Variants in ME2 observed in about 807,000 individuals in gnomAD.
ME2 encodes the protein NAD-dependent malic enzyme, mitochondrial.
Under a neutral mutation model 73.7 loss-of-function variants are expected in ME2, and 60 were observed. The ratio of observed to expected loss-of-function variants is 0.81; its 90% CI spans 0.66 to 1.01. The LOEUF (loss-of-function observed/expected upper bound fraction) is 1.01. Among genes scored for constraint, ME2 ranks in the 50% least tolerant of loss-of-function variants. The pLI is 0.00. For missense variants in ME2, 594 were observed against 705.5 expected (o/e 0.84, Z 1.79); for synonymous variants, 199 against 236.9 (o/e 0.84, Z 1.47).
intron 13 of ME2, chr18:50,933,807 C>T (rs1432968793): frequency 6.6e-6 from 1 of 151,994 alleles, no homozygotes; most frequent in African/African-American, 2.4e-5. Context: ...TGATCCTTAC[C>T]CTCTTCCCGC....
At chr18:50,943,354 CAGCGACG>C (rs1210724744) in intron 15 of ME2, among the ~76,000 whole-genome samples, 2 of 151,652 alleles carry the variant, frequency 1.3e-5, no homozygotes, top group Non-Finnish European at 2.9e-5. Flanking sequence ...GGTTGGAGTG[CAGCGACG>C]TGATCTCAGC....
chr18:50,924,278 T>C (rs1917496982), intron 11 of ME2, 66 bp downstream of exon 11: 3 of 1,036,996 alleles, frequency 2.9e-6, no homozygotes, highest in Non-Finnish European at 4.4e-6. Context: ...ATCATTACCA[T>C]GTAGGATTAC....
At position 50,948,225 on chromosome 18, in the gene ME2, A is replaced by G. The variant is rs527798021; in HGVS notation, c.*1041A>G. 6.6e-6 allele frequency: 1 copy of G among 152,342 alleles called. No individual in the cohort carries two copies. The highest frequency in any genetic ancestry group is 1.9e-4 in the East Asian group (1 of 5,188). The allele number at this position is 152,342 out of a possible 1,614,324, so 9.4% of individuals were successfully genotyped here. A position where few individuals can be genotyped will look rare whatever the true frequency, so the allele number is the denominator to read the frequency against. ...GACTTAATTTTTTTAAACCACCAAC[A>G]TTAATTTAGAGCTAAATGGGGATGA... On this transcript the variant is annotated 3_prime_UTR_variant, in exon 16 of 16. Coordinates refer to ENST00000321341, the MANE Select transcript of ME2 (RefSeq NM_002396.5).
At chr18:50,922,453 A>C (rs1917450960) in intron 10 of ME2, among the ~76,000 whole-genome samples, 1 of 152,222 alleles carries the variant, frequency 6.6e-6, no homozygotes, top group African/African-American at 2.4e-5. Flanking sequence ...GGCTGTAACT[A>C]CCATATTTAC....
In ME2 at chr18:50,941,353, C is replaced by CTTTTTTTTTTTTTTTTTTTTTTTTTTTTT. The variant is rs57428974; in HGVS notation, c.1587+970_1587+998dup. On this transcript the variant is annotated intron_variant, in intron 15 of 15. Coordinates refer to ENST00000321341, the MANE Select transcript of ME2 (RefSeq NM_002396.5). ...TCTTTGTGTGTATTTGTGATGGTTT[C>CTTTTTTTTTTTTTTTTTTTTTTTTTTTTT]TTTTTTTTTTTTTTTTTTTTTTTTT... Among the ~76,000 whole-genome samples the CTTTTTTTTTTTTTTTTTTTTTTTTTTTTT allele has an allele frequency of 9.4e-5, 6 of 63,846 alleles. 2 individuals carry two copies. Among genetic ancestry groups the CTTTTTTTTTTTTTTTTTTTTTTTTTTTTT allele is most frequent in the African/African-American group, 4.8e-4 (6 of 12,428 alleles). The allele number at this position is 63,846 out of a possible 152,430, so 41.9% of individuals were successfully genotyped here. A position where few individuals can be genotyped will look rare whatever the true frequency, so the allele number is the denominator to read the frequency against.
chr18:50,951,092 G>A lies in ME2; in HGVS notation c.*3908G>A, dbSNP rs1918214027. On this transcript the variant is annotated 3_prime_UTR_variant, in exon 16 of 16. Coordinates refer to ENST00000321341, the MANE Select transcript of ME2 (RefSeq NM_002396.5). ...CTCTTTAATTCTAAATTATAGATTT[G>A]TAGCATACTTAGTAAACTTAGTAAC... The A allele has an allele frequency of 1.3e-5, 2 of 152,102 alleles. No homozygotes were observed. The highest frequency in any genetic ancestry group is 1.3e-4 in the Admixed American group (2 of 15,270). 9.4% of individuals were successfully genotyped at this position (152,102 alleles called of 1,614,324 possible). A position where few individuals can be genotyped will look rare whatever the true frequency, so the allele number is the denominator to read the frequency against.
At chr18:50,893,121 T>C (rs1916643591) in intron 1 of ME2, among the ~76,000 whole-genome samples, 2 of 56,936 alleles carry the variant, frequency 3.5e-5, no homozygotes. Context: ...TAAGACTCTA[T>C]CTCAAAAAAA....
chr18:50,946,529 T>C (rs547712312), intron 15 of ME2, among the ~76,000 whole-genome samples: 29 of 152,328 alleles, frequency 1.9e-4, no homozygotes, highest in African/African-American at 7.0e-4. Context: ...TGGCACTCAG[T>C]GATAGTGGTG....
In ME2 at chr18:50,884,842, T is replaced by TTG. The variant is rs10599201; in HGVS notation, c.-13+5560_-13+5561dup. Among the ~76,000 whole-genome samples the TTG allele has an allele frequency of 6.6e-4, 99 of 150,662 alleles. 1 individual carries two copies. The highest frequency in any genetic ancestry group is 2.6e-3 in the Admixed American group (39 of 15,166). Reference sequence around the variant, plus strand: ...ACTAATCACCAAAGTTTGTGTGTGTTTGTGTGTGTGTGTGTGTGTGTGTGT... The same window carrying TTG: ...ACTAATCACCAAAGTTTGTGTGTGTTTGTGTGTGTGTGTGTGTGTGTGTGTGT... On this transcript the variant is annotated intron_variant, in intron 1 of 15. Transcript: ENST00000321341.
rs770494781 is a variant in ME2, at chr18:50,928,241, C to CT, written c.1314+2353dup. Among the ~76,000 whole-genome samples the CT allele has an allele frequency of 4.7e-3, 678 of 143,152 alleles. 10 individuals carry two copies. In the East Asian group the frequency reaches 0.069, roughly 15 times the overall value. 93.9% of individuals were successfully genotyped at this position (143,152 alleles called of 152,430 possible). ...GGTTTGTTTGTAAGGCTAATTTGTCCTTTTTTTTTTCTTTTTTTTTTTGAG... is the reference window on the plus strand; with the variant it reads ...GGTTTGTTTGTAAGGCTAATTTGTCCTTTTTTTTTTTCTTTTTTTTTTTGAG... On this transcript the variant is annotated intron_variant, in intron 12 of 15. Coordinates refer to ENST00000321341, the MANE Select transcript of ME2 (RefSeq NM_002396.5).
Position 50,924,088 on chromosome 18 carries a change from C to A in ME2, c.1057-10C>A. ...ACTAAAAAAATACTGTATTTTATCT[C>A]AAAATTTAGGGACGGAAAGCAAAAA... is the stretch of plus-strand genomic sequence containing the variant. On this transcript the variant is annotated splice_polypyrimidine_tract_variant and intron_variant, in intron 10 of 15. Transcript: ENST00000321341. 1 of 1,579,402 alleles carries A rather than the reference C, an allele frequency of 6.3e-7. No individual in the cohort carries two copies. The highest frequency in any genetic ancestry group is 1.1e-5 in the South Asian group (1 of 88,388).
chr18:50,888,000 G>C (rs1916515405), intron 1 of ME2, among the ~76,000 whole-genome samples: 1 of 152,176 alleles, frequency 6.6e-6, no homozygotes, highest in Admixed American at 6.5e-5. Flanking sequence ...ATCAGAAATA[G>C]ATAACTAAAG....
At chr18:50,917,835 C>T (rs556704040) in intron 6 of ME2, among the ~76,000 whole-genome samples, 3 of 151,910 alleles carry the variant, frequency 2.0e-5, no homozygotes, top group Non-Finnish European at 2.9e-5. Context: ...ATTAGCTGGG[C>T]GTGGTGGCAC....
intron 1 of ME2, 85 bp from the exon 2 acceptor site, chr18:50,895,724 A>AT (rs1392646540): frequency 3.2e-5 from 26 of 817,240 alleles, no homozygotes; most frequent in South Asian, 6.5e-5. Context: ...GGAAACATAA[A>AT]TGTGTTTTGA....
chr18:50,887,865 A>C (rs2850545), intron 1 of ME2, among the ~76,000 whole-genome samples: 75,721 of 152,048 alleles, frequency 0.5, 19,609 homozygotes, highest in South Asian at 0.68. Flanking sequence ...AAGACATTAG[A>C]AAAGATCTTT....
intron 7 of ME2, among the ~76,000 whole-genome samples, chr18:50,919,427 A>T (rs944254139): frequency 2.6e-5 from 4 of 152,164 alleles, no homozygotes; most frequent in Non-Finnish European, 5.9e-5. Flanking sequence ...TGAACTTTAC[A>T]TCTTCTCAGA....
In ME2 at chr18:50,912,947, CTAAG is replaced by C. The variant is rs1917192438; in HGVS notation, c.392+2_392+5del. The C allele has an allele frequency of 6.3e-7, 1 of 1,581,432 alleles. No individual in the cohort carries two copies. Among genetic ancestry groups the C allele is most frequent in the African/African-American group, 1.4e-5 (1 of 72,862 alleles). On this transcript the variant is annotated splice_donor_variant and coding_sequence_variant, in exon 4 of 16. Transcript: ENST00000321341. LOFTEE classifies it high-confidence loss of function. ...CAGTATGGACACATCTTTAGAAGAC[CTAAG>C]TAAGGCTTGTTTAAAAAAAAGCTTG...
chr18:50,923,480 G>T (rs1411413601), intron 10 of ME2, among the ~76,000 whole-genome samples: 1 of 152,116 alleles, frequency 6.6e-6, no homozygotes, highest in African/African-American at 2.4e-5. Flanking sequence ...AGCCAGGAGT[G>T]GTGGCTCATG....
intron 1 of ME2, among the ~76,000 whole-genome samples, chr18:50,888,112 C>T (rs1297646439): frequency 6.6e-6 from 1 of 152,062 alleles, no homozygotes; most frequent in African/African-American, 2.4e-5. Flanking sequence ...GAGGTTGAGG[C>T]TGGCAGATCA....
Sources: allele counts gnomAD v4.1 joint callset (sites outside exome capture counted in the v4.1 genomes callset), GRCh38; gene constraint gnomAD v4.1.1; transcripts MANE v1.5; gene names NCBI Gene and HGNC (gene_info 2026-07-23, HGNC 2026-07-21).